The following SPATA16 variants were observed in gnomAD, a reference collection of about 807,000 sequenced individuals.
SPATA16 encodes spermatogenesis-associated protein 16.
SPATA16 carries 36 observed loss-of-function variants against 63.3 expected under a neutral mutation model. That is an observed-to-expected ratio of 0.57 (90% confidence interval 0.44 to 0.75). The LOEUF is 0.75. SPATA16 is among the 30% of genes least tolerant of loss of function. The probability of loss-of-function intolerance (pLI) is 0.00; values close to 1 mark genes in which losing one functional copy is unlikely to be tolerated. For missense variants in SPATA16, 646 were observed against 679.3 expected (o/e 0.95, Z 0.54); for synonymous variants, 203 against 216.7 (o/e 0.94, Z 0.56).
At chr3:172,975,353 A>G (rs565780698) in intron 5 of SPATA16, among the ~76,000 whole-genome samples, 2 of 152,260 alleles carry the variant, frequency 1.3e-5, no homozygotes, top group Admixed American at 1.3e-4. Flanking sequence ...ATAGGTACTC[A>G]TATACATTTG....
At chr3:173,101,793 A>G (rs930850111) in intron 2 of SPATA16, among the ~76,000 whole-genome samples, 2 of 152,056 alleles carry the variant, frequency 1.3e-5, no homozygotes, top group African/African-American at 2.4e-5. Context: ...CCAAACCTCT[A>G]TGCCTTTCAT....
chr3:172,957,268 G>A (rs766575543), intron 5 of SPATA16, among the ~76,000 whole-genome samples: 1 of 151,962 alleles, frequency 6.6e-6, no homozygotes, highest in Non-Finnish European at 1.5e-5. Context: ...TAGACAGACG[G>A]TATTTTTTGT....
chr3:173,103,905 A>T (rs1212027271), intron 2 of SPATA16, among the ~76,000 whole-genome samples: 6 of 152,152 alleles, frequency 3.9e-5, no homozygotes, highest in Non-Finnish European at 8.8e-5. Context: ...TCCCTTCTAA[A>T]TATAGAGTGC....
intron 1 of SPATA16, among the ~76,000 whole-genome samples, chr3:173,122,611 T>C (rs1738108539): frequency 6.6e-6 from 1 of 152,220 alleles, no homozygotes; most frequent in Non-Finnish European, 1.5e-5. Context: ...TTCTTTTAAA[T>C]GTTTTAAAAA....
chr3:172,960,551 T>A (rs181316404), intron 5 of SPATA16, among the ~76,000 whole-genome samples: 1 of 152,314 alleles, frequency 6.6e-6, no homozygotes, highest in African/African-American at 2.4e-5. Context: ...TAACTTATAA[T>A]AATTTCTCCT....
At chr3:172,973,213 G>T (rs1025816364) in intron 5 of SPATA16, among the ~76,000 whole-genome samples, 16 of 152,156 alleles carry the variant, frequency 1.1e-4, no homozygotes, top group Admixed American at 6.6e-5. Context: ...TTCTGACTGT[G>T]TATAGGAGAT....
intron 4 of SPATA16, among the ~76,000 whole-genome samples, chr3:173,006,267 T>C (rs932828259): frequency 6.6e-6 from 1 of 152,204 alleles, no homozygotes; most frequent in African/African-American, 2.4e-5. Context: ...TATCTTCCAG[T>C]GTGTAAATGT....
intron 3 of SPATA16, among the ~76,000 whole-genome samples, chr3:173,027,973 TTCTCCCTCCCTCCCTCCCTCCCTC>T: frequency 1.2e-5 from 1 of 84,756 alleles, no homozygotes; most frequent in Admixed American, 1.4e-4. Flanking sequence ...AATTTATTTT[TTCTCCCTCCCTCCCTCCCTCCCTC>T]CCTCCCTCCC....
At chr3:172,918,550 T>C (rs956091696) in intron 8 of SPATA16, among the ~76,000 whole-genome samples, 9 of 151,944 alleles carry the variant, frequency 5.9e-5, no homozygotes, top group African/African-American at 2.2e-4. Flanking sequence ...CTATCCAAGA[T>C]AGGGGTTTTT....
intron 10 of SPATA16, among the ~76,000 whole-genome samples, chr3:172,901,801 G>A (rs1034972366): frequency 6.6e-6 from 1 of 152,132 alleles, no homozygotes; most frequent in Admixed American, 6.5e-5. Context: ...TTGGAGGGTA[G>A]GAATATCTTA....
chr3:172,922,559 C>A, intron 8 of SPATA16, among the ~76,000 whole-genome samples: 1 of 152,158 alleles, frequency 6.6e-6, no homozygotes, highest in East Asian at 1.9e-4. Flanking sequence ...ATTGTGAAAT[C>A]GGAGCTGGCA....
intron 6 of SPATA16, among the ~76,000 whole-genome samples, chr3:172,949,520 A>G (rs1230942485): frequency 1.3e-5 from 2 of 152,226 alleles, no homozygotes; most frequent in Non-Finnish European, 2.9e-5. Flanking sequence ...TTCAGTCTTC[A>G]GGGATTTTAA....
chr3:172,931,264 A>G (rs1732864434), intron 6 of SPATA16, among the ~76,000 whole-genome samples: 1 of 152,170 alleles, frequency 6.6e-6, no homozygotes, highest in Non-Finnish European at 1.5e-5. Context: ...TTTTTGAAAT[A>G]GGGTCTTACT....
chr3:173,020,633 C>G (rs768455257), intron 3 of SPATA16, among the ~76,000 whole-genome samples: 3 of 152,146 alleles, frequency 2.0e-5, no homozygotes, highest in Non-Finnish European at 2.9e-5. Flanking sequence ...AAGGGGTAGA[C>G]CTTTCTCTTC....
intron 2 of SPATA16, among the ~76,000 whole-genome samples, chr3:173,077,123 T>C (rs542858886): frequency 6.6e-6 from 1 of 152,296 alleles, no homozygotes; most frequent in East Asian, 1.9e-4. Context: ...AATGATCTGT[T>C]CAATATCATA....
At chr3:173,050,325 A>G (rs1293070230) in intron 2 of SPATA16, among the ~76,000 whole-genome samples, 2 of 152,118 alleles carry the variant, frequency 1.3e-5, no homozygotes, top group East Asian at 3.9e-4. Flanking sequence ...TAGTTACCTA[A>G]TGCTGTTTTC....
chr3:173,004,120 A>G (rs1734887694), intron 4 of SPATA16, among the ~76,000 whole-genome samples: 1 of 152,222 alleles, frequency 6.6e-6, no homozygotes, highest in African/African-American at 2.4e-5. Context: ...AATTAGTGGC[A>G]TCAAGATTAA....
chr3:172,976,704 T>C (rs1173489473), intron 5 of SPATA16, among the ~76,000 whole-genome samples: 1 of 152,126 alleles, frequency 6.6e-6, no homozygotes, highest in Non-Finnish European at 1.5e-5. Context: ...GTAGCACGCC[T>C]GGAAAAGTAG....
chr3:173,055,981 T>G (rs570802984), intron 2 of SPATA16, among the ~76,000 whole-genome samples: 65 of 152,332 alleles, frequency 4.3e-4, no homozygotes, highest in African/African-American at 1.5e-3. Context: ...TCAGGACAAT[T>G]TTAATCATGT....
Sources: gnomAD v4.1 joint callset for allele counts (sites outside exome capture counted in the v4.1 genomes callset) on GRCh38, gnomAD v4.1.1 for gene constraint, MANE v1.5 for transcripts, NCBI Gene and HGNC (gene_info 2026-07-23, HGNC 2026-07-21) for gene names.